The following UBE2G2 variants were observed in gnomAD, a reference collection of about 807,000 sequenced individuals.
UBE2G2 encodes the protein ubiquitin conjugating enzyme E2 G2, also known as ubiquitin-conjugating enzyme E2 G2.
Under a neutral mutation model 23.0 loss-of-function variants are expected in UBE2G2, and 10 were observed. The ratio of observed to expected loss-of-function variants is 0.43; its 90% CI spans 0.27 to 0.74. UBE2G2 has a LOEUF of 0.74. Ranked by LOEUF, UBE2G2 falls within the 30% of genes least tolerant of loss-of-function variation. UBE2G2 has a pLI of 0.19. For synonymous variants in UBE2G2, 86 were observed against 81.3 expected, an observed-to-expected ratio of 1.06 and a Z score of -0.31; for missense variants, 150 against 218.3, an observed-to-expected ratio of 0.69 and a Z score of 1.97.
At chr21:44,800,085 G>A (rs1489206242) in intron 1 of UBE2G2, 1 of 152,190 alleles carries the variant, frequency 6.6e-6, no homozygotes, top group Middle Eastern at 3.2e-3. Context: ...AAAGATTACT[G>A]ATCATAGATC....
Position 44,784,264 on chromosome 21 carries a change from C to T in UBE2G2, c.125+3656G>A, listed in dbSNP as rs185597744. Among the ~76,000 whole-genome samples, 367 of 152,202 alleles carry T rather than the reference C, an allele frequency of 2.4e-3. No individual in the cohort carries two copies. In the Middle Eastern group the frequency reaches 0.037, roughly 16 times the overall value. ...GAAGGACGGACAGACGGTTCCAGAC[C>T]TATTATTCTAGAATCCGCCTTTTCC... On this transcript the variant is annotated intron_variant, in intron 3 of 5. Transcript: ENST00000345496.
chr21:44,797,583 C>T (rs573913668), intron 1 of UBE2G2, among the ~76,000 whole-genome samples: 24 of 151,926 alleles, frequency 1.6e-4, no homozygotes, highest in African/African-American at 3.1e-4. Flanking sequence ...GGCATGGTGG[C>T]GCGCGCCTGT....
At chr21:44,784,761 A>C (rs2082982446) in intron 3 of UBE2G2, among the ~76,000 whole-genome samples, 1 of 152,154 alleles carries the variant, frequency 6.6e-6, no homozygotes, top group Admixed American at 6.5e-5. Flanking sequence ...ACTGGGCCCC[A>C]AACACACCAT....
chr21:44,801,302 C>G, intron 1 of UBE2G2: 4 of 1,026,250 alleles, frequency 3.9e-6, no homozygotes, highest in Non-Finnish European at 4.7e-6. Flanking sequence ...GCTCCACCAA[C>G]GAGCCTTTCC....
chr21:44,775,929 G>A (rs782585174), intron 4 of UBE2G2, among the ~76,000 whole-genome samples: 46 of 152,174 alleles, frequency 3.0e-4, no homozygotes, highest in Non-Finnish European at 5.3e-4. Flanking sequence ...AAGAAGGCAC[G>A]CTTCTGAGCA....
rs2083010761 is a variant in UBE2G2 at position 44,788,104 on chromosome 21, T to G, written c.44-9A>C. 2 of 1,597,826 alleles carry G rather than the reference T, an allele frequency of 1.3e-6. No individual in the cohort carries two copies. Among genetic ancestry groups the G allele is most frequent in the Admixed American group, 1.8e-5 (1 of 55,930 alleles). On this transcript the variant is annotated splice_polypyrimidine_tract_variant and intron_variant, in intron 1 of 5. Transcript: ENST00000345496. ...AGGATTCAGTGTTAATTCTATAAAA[T>G]TAATAAGTAAAACCATTACCAAACA...
At chr21:44,774,574 C>T (rs1555960334) in intron 4 of UBE2G2, 2 of 256,594 alleles carry the variant, frequency 7.8e-6, no homozygotes, top group African/African-American at 4.7e-5. Context: ...TACCTTCAAA[C>T]AGTCTTGTCT....
intron 1 of UBE2G2, among the ~76,000 whole-genome samples, chr21:44,797,740 A>AAAAAG (rs781868771): frequency 0.042 from 4,842 of 114,068 alleles, 380 homozygotes; most frequent in Non-Finnish European, 0.071. Context: ...AAAAAAAAAA[A>AAAAAG]AGAGAAAATA....
chr21:44,785,707 G>C (rs1004671760), intron 3 of UBE2G2: 2 of 152,184 alleles, frequency 1.3e-5, no homozygotes, highest in African/African-American at 4.8e-5. Context: ...AAAATAGCAG[G>C]GTGAGACAAA....
intron 3 of UBE2G2, among the ~76,000 whole-genome samples, chr21:44,781,114 A>G (rs1306487544): frequency 6.6e-6 from 1 of 152,248 alleles, no homozygotes; most frequent in Non-Finnish European, 1.5e-5. Flanking sequence ...CATGTGATAA[A>G]GAATTAAAAT....
chr21:44,797,229 T>A (rs1386625680), intron 1 of UBE2G2, among the ~76,000 whole-genome samples: 7 of 152,148 alleles, frequency 4.6e-5, no homozygotes, highest in Non-Finnish European at 7.4e-5. Context: ...ATTATTTAGG[T>A]CTTATTACTG....
chr21:44,795,915 A>G (rs1214476778), intron 1 of UBE2G2, among the ~76,000 whole-genome samples: 1 of 152,242 alleles, frequency 6.6e-6, no homozygotes, highest in Non-Finnish European at 1.5e-5. Context: ...AGAGATTAGA[A>G]TTACACTACC....
Position 44,771,236 on chromosome 21 carries a change from G to A in UBE2G2, c.*141C>T, listed in dbSNP as rs189879000. ...GAGAAGCCTGTTTGAAGTAGGAAAG[G>A]TTTGAAAAAAAAAAAAGATGCCATG... On this transcript the variant is annotated 3_prime_UTR_variant, in exon 6 of 6. Coordinates refer to ENST00000345496, the MANE Select transcript of UBE2G2 (RefSeq NM_003343.6). The surrounding 1 kb of genome is among the most constrained non-coding windows in gnomAD (Gnocchi z 4.6). The A allele has an allele frequency of 2.6e-3, 1,855 of 715,726 alleles. 11 individuals are homozygous for A. Among genetic ancestry groups the A allele is most frequent in the Non-Finnish European group, 2.4e-3 (1,039 of 433,900 alleles). The allele number at this position is 715,726 out of a possible 1,614,324, so 44.3% of individuals were successfully genotyped here. A position where few individuals can be genotyped will look rare whatever the true frequency, so the allele number is the denominator to read the frequency against.
intron 1 of UBE2G2, among the ~76,000 whole-genome samples, chr21:44,799,387 G>T (rs1041714796): frequency 6.6e-6 from 1 of 152,178 alleles, no homozygotes; most frequent in African/African-American, 2.4e-5. Context: ...GCTATTTTAC[G>T]TACCTTGTAA....
chr21:44,779,018 T>A (rs900014074), intron 3 of UBE2G2: 9 of 183,478 alleles, frequency 4.9e-5, no homozygotes, highest in African/African-American at 2.2e-4. Context: ...AAATTTGTTT[T>A]AAAAATCTTA....
chr21:44,774,120 G>C (rs1245213250), intron 4 of UBE2G2: 1 of 155,128 alleles, frequency 6.4e-6, no homozygotes, highest in Non-Finnish European at 1.4e-5. Context: ...TAAAATATAT[G>C]TTCACATGGC....
chr21:44,774,959 A>C (rs1555960397), intron 4 of UBE2G2: 1 of 329,472 alleles, frequency 3.0e-6, no homozygotes, highest in Non-Finnish European at 5.9e-6. Context: ...TTAGTTCCCA[A>C]GTTGCCGGTG....
chr21:44,785,148 A>G (rs1362912625), intron 3 of UBE2G2, among the ~76,000 whole-genome samples: 1 of 152,192 alleles, frequency 6.6e-6, no homozygotes, highest in Admixed American at 6.5e-5. Context: ...TTTGATCCAA[A>G]TAAGTCAAAG....
intron 1 of UBE2G2, among the ~76,000 whole-genome samples, chr21:44,797,791 A>C (rs186564296): frequency 2.6e-5 from 4 of 151,962 alleles, no homozygotes; most frequent in African/African-American, 9.7e-5. Context: ...TAGGGCTAAA[A>C]TAAAACTAAA....
Sources: gnomAD v4.1 joint callset for allele counts (sites outside exome capture counted in the v4.1 genomes callset) on GRCh38, gnomAD v4.1.1 for gene constraint, Gnocchi (gnomAD v3.1) non-coding constraint, MANE v1.5 for transcripts, NCBI Gene and HGNC (gene_info 2026-07-23, HGNC 2026-07-21) for gene names.